TUBGCP2: variants seen among roughly 807,000 people sequenced by gnomAD.
TUBGCP2 encodes the protein gamma-tubulin complex component 2.
In TUBGCP2, 55 loss-of-function variants were observed where a neutral mutation model predicts 92.2. The observed-to-expected ratio is 0.60, with a 90% CI of 0.48 to 0.75. TUBGCP2 has a LOEUF of 0.75. TUBGCP2 is among the 30% of genes least tolerant of loss of function. The pLI, the probability that TUBGCP2 is intolerant of heterozygous loss-of-function variation, is 0.00. For synonymous variants in TUBGCP2, 533 were observed against 505.2 expected, an observed-to-expected ratio of 1.06 and a Z score of -0.74; for missense variants, 1,093 against 1,188.9, an observed-to-expected ratio of 0.92 and a Z score of 1.19.
At position 133,287,460 on chromosome 10, in the gene TUBGCP2, G is replaced by A. The variant is rs200800460; in HGVS notation, c.1722+669C>T. The stretch of plus-strand genomic sequence containing the variant: ...AAAACATATATATATTTTAAAAAAC[G>A]GCTGGGCACGGTGGCTCATGCCTGT... On this transcript the variant is annotated intron_variant, in intron 11 of 17. Coordinates refer to ENST00000252936, the MANE Select transcript of TUBGCP2 (RefSeq NM_006659.4). Among the ~76,000 whole-genome samples the A allele has an allele frequency of 2.6e-5, 4 of 152,026 alleles. No homozygotes were observed. In the East Asian group the frequency reaches 7.7e-4, roughly 29 times the overall value.
intron 6 of TUBGCP2, 88 bp downstream of exon 6, chr10:133,293,474 G>A (rs1441054755): frequency 2.5e-5 from 36 of 1,437,172 alleles, no homozygotes; most frequent in Non-Finnish European, 2.8e-5. Context: ...CTTTAGAAGC[G>A]ATGCAGACGT....
chr10:133,299,314 GAC>G (rs990278877), intron 4 of TUBGCP2, 111 bp downstream of exon 4: 1 of 854,928 alleles, frequency 1.2e-6, no homozygotes, highest in African/African-American at 1.7e-5. Flanking sequence ...ATGACAGAGA[GAC>G]ATGTCCTTCC....
rs11101677 is a variant in TUBGCP2, at chr10:133,281,421, C to T, written c.2425G>A (p.Ala809Thr). Residue 809 changes from alanine (A) to threonine (T), a missense_variant, in exon 17 of 18, where the codon GCA becomes ACA. Physicochemically the swap from Ala to Thr is moderately conservative, Grantham distance 58. Transcript: ENST00000252936. The part of the protein sequence containing the change: ...ELARKHLAEH[A>T]DTVQLVSGFE... ...CCGGACACCAGCTGCACAGTGTCTG[C>T]GTGCTCAGCCAGGTGCTGGAAAGAA... The T allele has an allele frequency of 0.025, 41,016 of 1,612,872 alleles. 587 individuals are homozygous for T. The highest frequency in any genetic ancestry group is 0.03 in the Non-Finnish European group (35,137 of 1,179,934).
At chr10:133,281,224 G>A in intron 17 of TUBGCP2, 49 bp downstream of exon 17, 2 of 1,592,942 alleles carry the variant, frequency 1.3e-6, no homozygotes, top group Non-Finnish European at 1.7e-6. Flanking sequence ...GCAGGGGCAG[G>A]CGCTGGACTG....
intron 5 of TUBGCP2, among the ~76,000 whole-genome samples, chr10:133,297,075 G>A (rs943767216): frequency 1.3e-5 from 2 of 152,174 alleles, no homozygotes; most frequent in Non-Finnish European, 2.9e-5. Context: ...GGTATGCTCT[G>A]TCCTTAGTTT....
chr10:133,306,850 A>G (rs1164843262), intron 1 of TUBGCP2, among the ~76,000 whole-genome samples: 2 of 152,238 alleles, frequency 1.3e-5, no homozygotes, highest in African/African-American at 4.8e-5. Flanking sequence ...TTCTAGAAAT[A>G]GAAGCACAGA....
chr10:133,284,042 C>T (rs554216718), intron 13 of TUBGCP2, 40 bp from the exon 14 acceptor site: 57 of 1,600,742 alleles, frequency 3.6e-5, no homozygotes, highest in East Asian at 1.6e-4. Flanking sequence ...ATGGAGGACG[C>T]GGCCCCGACA....
At chr10:133,294,211 G>A (rs1408915694) in intron 5 of TUBGCP2, among the ~76,000 whole-genome samples, 1 of 152,246 alleles carries the variant, frequency 6.6e-6, no homozygotes, top group African/African-American at 2.4e-5. Context: ...CAGAGAGGAT[G>A]AGACGGCTGC....
chr10:133,299,699 C>T, intron 3 of TUBGCP2, 96 bp from the exon 4 acceptor site: 4 of 1,096,646 alleles, frequency 3.6e-6, no homozygotes, highest in Non-Finnish European at 5.3e-6. Flanking sequence ...GCTCCCCAAC[C>T]CTGACAGGCA....
At chr10:133,288,062 C>T (rs1847177563) in intron 11 of TUBGCP2, 67 bp downstream of exon 11, 1 of 1,545,912 alleles carries the variant, frequency 6.5e-7, no homozygotes, top group Non-Finnish European at 8.7e-7. Flanking sequence ...CTGGCCTCTG[C>T]TGTGCTCTCC....
At chr10:133,283,581 G>GGCAGCTTC (rs1554934134) in intron 14 of TUBGCP2, among the ~76,000 whole-genome samples, 1 of 151,920 alleles carries the variant, frequency 6.6e-6, no homozygotes, top group African/African-American at 2.4e-5. Flanking sequence ...AAGGGGTCCC[G>GGCAGCTTC]TGTGTGGCCA....
At position 133,279,626 on chromosome 10, in the gene TUBGCP2, CAA is replaced by C; in HGVS notation, c.*138_*139del. The C allele has an allele frequency of 1.5e-6, 2 of 1,299,782 alleles. No homozygotes were observed. Among genetic ancestry groups the C allele is most frequent in the East Asian group, 6.1e-5 (2 of 32,726 alleles). The allele number at this position is 1,299,782 out of a possible 1,614,324, so 80.5% of individuals were successfully genotyped here. A position where few individuals can be genotyped will look rare whatever the true frequency, so the allele number is the denominator to read the frequency against. On this transcript the variant is annotated 3_prime_UTR_variant, in exon 18 of 18. Coordinates refer to ENST00000252936, the MANE Select transcript of TUBGCP2 (RefSeq NM_006659.4). Reference sequence around the variant, plus strand: ...AAACGAAACCCAGCGCCTTGAGAAACAAAGTGAGCTGAGTCAATCATTCCTGC... The same window carrying C: ...AAACGAAACCCAGCGCCTTGAGAAACAGTGAGCTGAGTCAATCATTCCTGC...
At chr10:133,282,109 G>C (rs1846997532) in intron 16 of TUBGCP2, 114 bp downstream of exon 16, 1 of 1,505,062 alleles carries the variant, frequency 6.6e-7, no homozygotes, top group South Asian at 1.2e-5. Flanking sequence ...TCTTCAATCT[G>C]AGGGGAGATG....
chr10:133,300,177 T>C, intron 2 of TUBGCP2, 64 bp from the exon 3 acceptor site: 1 of 1,561,156 alleles, frequency 6.4e-7, no homozygotes, highest in Non-Finnish European at 8.7e-7. Flanking sequence ...AAAAAAAACC[T>C]TTACGAAAAT....
intron 11 of TUBGCP2, among the ~76,000 whole-genome samples, chr10:133,286,156 G>A (rs1484695211): frequency 1.3e-5 from 2 of 152,064 alleles, no homozygotes; most frequent in African/African-American, 4.8e-5. Flanking sequence ...GAAACAAGCA[G>A]CGGACAGACG....
At position 133,308,815 on chromosome 10, in the gene TUBGCP2, G is replaced by A. The variant is rs977112240; in HGVS notation, c.-40+8C>T. On this transcript the variant is annotated splice_region_variant and intron_variant, in intron 1 of 17. Transcript: ENST00000252936. ...TCACGCCCGCGCCCGCGTTCGGCCAGGACTCACCGCAGTCCCGGAGCCACA... is the reference window on the plus strand; with the variant it reads ...TCACGCCCGCGCCCGCGTTCGGCCAAGACTCACCGCAGTCCCGGAGCCACA... 1.3e-5 allele frequency: 10 copies of A among 785,150 alleles called. No individual in the cohort carries two copies. The highest frequency in any genetic ancestry group is 7.3e-5 in the African/African-American group (4 of 54,922). The allele number at this position is 785,150 out of a possible 1,614,324, so 48.6% of individuals were successfully genotyped here. A position where few individuals can be genotyped will look rare whatever the true frequency, so the allele number is the denominator to read the frequency against.
intron 17 of TUBGCP2, among the ~76,000 whole-genome samples, chr10:133,281,065 C>T (rs1338419731): frequency 2.1e-4 from 24 of 112,714 alleles, no homozygotes; most frequent in Non-Finnish European, 3.8e-4. Flanking sequence ...TGAGCCGGGG[C>T]AGCACTGGGC....
intron 6 of TUBGCP2, 55 bp from the exon 7 acceptor site, chr10:133,293,293 T>C: frequency 1.3e-6 from 2 of 1,576,196 alleles, no homozygotes; most frequent in South Asian, 1.1e-5. Context: ...GCACATACAA[T>C]GTCCGATATT....
intron 11 of TUBGCP2, 98 bp downstream of exon 11, chr10:133,288,031 G>A: frequency 1.4e-6 from 2 of 1,433,772 alleles, no homozygotes; most frequent in South Asian, 2.9e-5. Context: ...GCCTCACCGG[G>A]ACGGGGAGTG....
Sources: allele counts gnomAD v4.1 joint callset (sites outside exome capture counted in the v4.1 genomes callset), GRCh38; gene constraint gnomAD v4.1.1; transcripts MANE v1.5; gene names NCBI Gene and HGNC (gene_info 2026-07-23, HGNC 2026-07-21).